Variants in SCML2 observed in about 807,000 individuals in gnomAD.
SCML2 encodes the protein sex comb on midleg-like protein 2.
In SCML2, 6 loss-of-function variants were observed where a neutral mutation model predicts 48.4. The observed-to-expected ratio is 0.12, with a 90% confidence interval of 0.07 to 0.24. SCML2 has a LOEUF of 0.24. Among genes scored for constraint, SCML2 ranks in the 10% least tolerant of loss-of-function variants. The probability of loss-of-function intolerance (pLI) is 1.00; values close to 1 mark genes in which losing one functional copy is unlikely to be tolerated. For missense variants in SCML2, 377 were observed against 528.2 expected, an observed-to-expected ratio of 0.71 and a Z score of 2.81; for synonymous variants, 181 against 189.5, an observed-to-expected ratio of 0.95 and a Z score of 0.37.
intron 8 of SCML2, among the ~76,000 whole-genome samples, chrX:18,263,948 G>A (rs1443760300): frequency 4.6e-5 from 5 of 107,939 alleles, no homozygotes; most frequent in Non-Finnish European, 5.7e-5. Flanking sequence ...TTCTTACATT[G>A]TTATCTTTAA....
chrX:18,241,373 C>A lies in SCML2; in HGVS notation c.1981G>T (p.Asp661Tyr). Residue 661 changes from aspartate (D) to tyrosine (Y), a missense_variant, in exon 15 of 15, where the codon GAT (aspartate) becomes TAT (tyrosine). Around this residue, in one of 3 missense-constraint regions of SCML2, gnomAD observed 299 missense variants for 425.5 expected, o/e 0.70. Coordinates refer to ENST00000251900, the MANE Select transcript of SCML2 (RefSeq NM_006089.3). ...TTGAGTAGGAACAGAGCCTTCCCAT[C>A]AATTTCCTACAGAGAGAAGGAAATC... is the stretch of plus-strand genomic sequence containing the variant. ...LADLFRQHEI[D>Y]GKALFLLKSD... 8.8e-7 allele frequency: 1 copy of A among 1,139,549 alleles called. No individual in the cohort carries two copies. The highest frequency in any genetic ancestry group is 1.2e-6 in the Non-Finnish European group (1 of 857,515). The allele number at this position is 1,139,549 out of a possible 1,213,427, so 93.9% of individuals were successfully genotyped here.
intron 1 of SCML2, among the ~76,000 whole-genome samples, chrX:18,344,891 G>A (rs1010784434): frequency 1.3e-4 from 15 of 111,405 alleles, no homozygotes; most frequent in Admixed American, 1.2e-3. Context: ...TGTTCCCAGA[G>A]ATTCAATGAT....
chrX:18,318,583 A>G (rs1257176937), intron 6 of SCML2, among the ~76,000 whole-genome samples: 1 of 112,017 alleles, frequency 8.9e-6, no homozygotes, highest in African/African-American at 3.2e-5. Flanking sequence ...ATTCTTTCTG[A>G]TGACTGCTTT....
intron 11 of SCML2, among the ~76,000 whole-genome samples, chrX:18,254,917 C>G (rs1162790705): frequency 9.0e-6 from 1 of 111,082 alleles, no homozygotes; most frequent in Non-Finnish European, 1.9e-5. Flanking sequence ...GACTGAGACT[C>G]TGTGTCCAAA....
intron 7 of SCML2, among the ~76,000 whole-genome samples, chrX:18,278,250 A>G (rs1432045609): frequency 8.9e-6 from 1 of 112,151 alleles, no homozygotes; most frequent in Non-Finnish European, 1.9e-5. Context: ...CCAAGAGTGA[A>G]TGGATAGGCA....
rs749860973 is a variant in SCML2, at chrX:18,305,228, T to TA, written c.487-14dup. On this transcript the variant is annotated splice_polypyrimidine_tract_variant and intron_variant, in intron 6 of 14. Coordinates refer to ENST00000251900, the MANE Select transcript of SCML2 (RefSeq NM_006089.3). ...GCTTTGGTGGTTCCTATCAAAACATTAAAAAAAAAAAAGATTTCATTGTTA... is the reference window on the plus strand; with the variant it reads ...GCTTTGGTGGTTCCTATCAAAACATTAAAAAAAAAAAAAGATTTCATTGTTA... The TA allele has an allele frequency of 0.034, 26,767 of 779,361 alleles. No individual in the cohort carries two copies. The highest frequency in any genetic ancestry group is 0.038 in the Non-Finnish European group (21,644 of 574,842). 64.2% of individuals were successfully genotyped at this position (779,361 alleles called of 1,213,427 possible).
intron 1 of SCML2, among the ~76,000 whole-genome samples, chrX:18,345,566 A>AT (rs1435166379): frequency 9.1e-6 from 1 of 109,432 alleles, no homozygotes; most frequent in African/African-American, 3.3e-5. Context: ...TAATTTTTGT[A>AT]TTTTTTGTAG....
chrX:18,267,464 C>T (rs1318739972), intron 7 of SCML2, among the ~76,000 whole-genome samples: 1 of 111,937 alleles, frequency 8.9e-6, no homozygotes, highest in African/African-American at 3.2e-5. Context: ...ACACTATCAT[C>T]TGCTTTCTCT....
Position 18,284,383 on chromosome X carries a change from A to G in SCML2, c.731-18581T>C, listed in dbSNP as rs148927567. ...AAGAATTTTTAGCTAAGTCCTCAAG[A>G]GCCAGTGCAACGAAATTGACAAGTG... On this transcript the variant is annotated intron_variant, in intron 7 of 14. Coordinates refer to ENST00000251900, the MANE Select transcript of SCML2 (RefSeq NM_006089.3). 4.2e-4 allele frequency among the ~76,000 whole-genome samples: 47 copies of G among 112,106 alleles called. No individual in the cohort carries two copies. In the East Asian group the frequency reaches 0.013, roughly 31 times the overall value.
chrX:18,294,248 A>C (rs1928318364), intron 7 of SCML2, among the ~76,000 whole-genome samples: 1 of 111,546 alleles, frequency 9.0e-6, no homozygotes, highest in African/African-American at 3.3e-5. Context: ...TAATCTTCAA[A>C]CTGAGCATCT....
chrX:18,343,559 G>C (rs1930090000), intron 1 of SCML2, among the ~76,000 whole-genome samples: 1 of 109,675 alleles, frequency 9.1e-6, no homozygotes, highest in African/African-American at 3.3e-5. Context: ...AGGAGATCAA[G>C]ACCATCCTGG....
At chrX:18,353,772 T>C (rs993793129) in intron 1 of SCML2, among the ~76,000 whole-genome samples, 1 of 112,863 alleles carries the variant, frequency 8.9e-6, no homozygotes, top group African/African-American at 3.2e-5. Flanking sequence ...ATGTACAACC[T>C]TGAGGCGCAA....
intron 3 of SCML2, among the ~76,000 whole-genome samples, chrX:18,327,994 G>C (rs761355825): frequency 8.9e-6 from 1 of 111,867 alleles, no homozygotes; most frequent in Non-Finnish European, 1.9e-5. Context: ...TGACAGACTG[G>C]GGATGGGGGC....
intron 1 of SCML2, among the ~76,000 whole-genome samples, chrX:18,338,443 TA>T (rs776595733): frequency 1.3e-3 from 87 of 67,965 alleles, no homozygotes; most frequent in Admixed American, 1.8e-3. Flanking sequence ...GACTCTGTCT[TA>T]AAAAAAAAAA....
intron 1 of SCML2, among the ~76,000 whole-genome samples, chrX:18,350,458 C>A (rs1930337536): frequency 9.1e-6 from 1 of 110,094 alleles, no homozygotes; most frequent in Non-Finnish European, 1.9e-5. Flanking sequence ...CGCCTGTAGT[C>A]CCAGCTACTT....
chrX:18,247,997 T>C (rs1360227831), intron 11 of SCML2, 115 bp from the exon 12 acceptor site: 15 of 456,065 alleles, frequency 3.3e-5, no homozygotes, highest in Non-Finnish European at 4.6e-5. Context: ...AATACCTTCA[T>C]TGAGAACTTC....
intron 8 of SCML2, among the ~76,000 whole-genome samples, chrX:18,263,417 T>C (rs1927144988): frequency 8.9e-6 from 1 of 112,217 alleles, no homozygotes; most frequent in Admixed American, 9.5e-5. Flanking sequence ...AAACAATTCC[T>C]TTCTCTTTGA....
In SCML2 at chrX:18,352,380, T is replaced by C. The variant is rs1176940913; in HGVS notation, c.-25+2212A>G. Among the ~76,000 whole-genome samples the C allele has an allele frequency of 4.5e-5, 5 of 111,928 alleles. No homozygotes were observed. In the South Asian group the frequency reaches 1.9e-3, roughly 42 times the overall value. On this transcript the variant is annotated intron_variant, in intron 1 of 14. Transcript: ENST00000251900. ...CTATTTGAACCAGAAAATAATCTCATGAAAATATATAGCTTTATATAATCC... is the reference window on the plus strand; with the variant it reads ...CTATTTGAACCAGAAAATAATCTCACGAAAATATATAGCTTTATATAATCC...
chrX:18,302,482 C>G (rs1233668130), intron 7 of SCML2, among the ~76,000 whole-genome samples: 1 of 111,220 alleles, frequency 9.0e-6, no homozygotes, highest in Admixed American at 9.7e-5. Context: ...CCACTTCGAA[C>G]CCACGGATTC....
Sources: allele counts gnomAD v4.1 joint callset (sites outside exome capture counted in the v4.1 genomes callset), GRCh38; gene constraint gnomAD v4.1.1; regional missense constraint gnomAD v4.1.1; transcripts MANE v1.5; gene names NCBI Gene and HGNC (gene_info 2026-07-23, HGNC 2026-07-21).